The following ZCWPW2 variants were observed in gnomAD, a reference collection of about 807,000 sequenced individuals.
The protein encoded by ZCWPW2 is zinc finger CW-type and PWWP domain containing 2.
A neutral mutation model predicts 46.6 loss-of-function variants in ZCWPW2; 45 were observed. The ratio of observed to expected loss-of-function variants is 0.96; its 90% CI spans 0.76 to 1.24. ZCWPW2 has a LOEUF of 1.24. Ranked by LOEUF, ZCWPW2 falls within the 50% of genes most tolerant of loss-of-function variation. The pLI is 0.00. For synonymous variants in ZCWPW2, 152 were observed against 137.1 expected, an observed-to-expected ratio of 1.11 and a Z score of -0.76; for missense variants, 429 against 403.9, an observed-to-expected ratio of 1.06 and a Z score of -0.53.
intron 4 of ZCWPW2, chr3:28,460,951 A>C (rs945973020): frequency 3.9e-6 from 1 of 253,992 alleles, no homozygotes; most frequent in Middle Eastern, 4.5e-4. Context: ...AAGGATAATA[A>C]TTTTTTATTT....
intron 1 of ZCWPW2, among the ~76,000 whole-genome samples, chr3:28,366,601 T>A (rs1210548859): frequency 6.9e-6 from 1 of 145,434 alleles, no homozygotes; most frequent in African/African-American, 2.6e-5. Flanking sequence ...GGTCTAAAAT[T>A]CTCTTTTTTT....
chr3:28,349,063 G>C lies in ZCWPW2; in HGVS notation c.-274G>C. The C allele has an allele frequency of 3.0e-6, 3 of 985,834 alleles. No homozygotes were observed. The highest frequency in any genetic ancestry group is 3.6e-6 in the Non-Finnish European group (3 of 830,212). The allele number at this position is 985,834 out of a possible 1,614,324, so 61.1% of individuals were successfully genotyped here. A position where few individuals can be genotyped will look rare whatever the true frequency, so the allele number is the denominator to read the frequency against. On this transcript the variant is annotated 5_prime_UTR_variant, in exon 1 of 10. Transcript: ENST00000383768. ...GAAGTCAGGCCCGAGGGAGCTGGGA[G>C]GGCGTTAGCGAAGCCAGGTTCGGTC...
intron 4 of ZCWPW2, among the ~76,000 whole-genome samples, chr3:28,447,446 A>G (rs528466087): frequency 3.4e-4 from 51 of 152,216 alleles, no homozygotes; most frequent in African/African-American, 3.4e-4. Flanking sequence ...ACAAGATGCA[A>G]CAACCTTTCA....
intron 9 of ZCWPW2, among the ~76,000 whole-genome samples, chr3:28,523,528 T>G (rs1265274711): frequency 2.6e-5 from 4 of 152,132 alleles, no homozygotes; most frequent in African/African-American, 9.7e-5. Context: ...CAAAGAGACC[T>G]CTAAGAATTT....
intron 6 of ZCWPW2, among the ~76,000 whole-genome samples, chr3:28,509,119 T>C (rs1700358271): frequency 6.6e-6 from 1 of 152,186 alleles, no homozygotes; most frequent in African/African-American, 2.4e-5. Flanking sequence ...ATATAATACT[T>C]TTATGCCTGG....
At chr3:28,420,578 T>C (rs377010545) in intron 3 of ZCWPW2, among the ~76,000 whole-genome samples, 1 of 151,328 alleles carries the variant, frequency 6.6e-6, no homozygotes, top group South Asian at 2.1e-4. Context: ...AATTATACTT[T>C]ATGTTGTTTT....
At chr3:28,499,596 G>A (rs1700087495) in intron 6 of ZCWPW2, among the ~76,000 whole-genome samples, 1 of 152,042 alleles carries the variant, frequency 6.6e-6, no homozygotes, top group African/African-American at 2.4e-5. Flanking sequence ...CCATTCTGTA[G>A]GTTGCCCGTT....
chr3:28,414,530 A>C (rs910178110), intron 3 of ZCWPW2, among the ~76,000 whole-genome samples: 1 of 150,938 alleles, frequency 6.6e-6, no homozygotes, highest in Non-Finnish European at 1.5e-5. Context: ...ATATGTATAC[A>C]CGTGCCATGA....
In ZCWPW2 at chr3:28,413,231, G is replaced by C; in HGVS notation, c.163G>C (p.Asp55His). Reference protein sequence around the residue: ...SSEDSAKVDHDEPWYCFMNTD... With the variant: ...SSEDSAKVDHHEPWYCFMNTD... ...TGAGGATTCAGCCAAGGTTGATCATGATGAACCATGGTACTGCTTCATGAA... is the reference window on the plus strand; with the variant it reads ...TGAGGATTCAGCCAAGGTTGATCATCATGAACCATGGTACTGCTTCATGAA... The change falls in exon 3 of 10, where the codon GAT (aspartate) becomes CAT (histidine). Residue 55 changes from aspartate (D) to histidine (H), a missense_variant. Asp to His is a moderately conservative substitution (Grantham distance 81). Transcript: ENST00000383768. The C allele has an allele frequency of 6.2e-7, 1 of 1,613,360 alleles. No homozygotes were observed. The highest frequency in any genetic ancestry group is 1.1e-5 in the South Asian group (1 of 91,060).
chr3:28,471,194 C>T (rs1023167492), intron 4 of ZCWPW2, among the ~76,000 whole-genome samples: 1 of 152,082 alleles, frequency 6.6e-6, no homozygotes, highest in African/African-American at 2.4e-5. Flanking sequence ...TAGCTAATAC[C>T]AGTTCTACTG....
At chr3:28,512,114 C>T (rs1192406571) in intron 6 of ZCWPW2, among the ~76,000 whole-genome samples, 1 of 151,880 alleles carries the variant, frequency 6.6e-6, no homozygotes, top group East Asian at 1.9e-4. Flanking sequence ...TCTATTACAG[C>T]CTAATTGTCT....
intron 1 of ZCWPW2, among the ~76,000 whole-genome samples, chr3:28,374,530 T>C (rs974979104): frequency 2.0e-5 from 3 of 152,170 alleles, no homozygotes; most frequent in Non-Finnish European, 4.4e-5. Flanking sequence ...GGTAGATTGA[T>C]AGGGATTATA....
chr3:28,432,810 A>G (rs565448086), intron 3 of ZCWPW2, among the ~76,000 whole-genome samples: 83 of 152,294 alleles, frequency 5.4e-4, no homozygotes, highest in Non-Finnish European at 8.7e-4. Flanking sequence ...TATAGTTACA[A>G]TGTATTATCT....
chr3:28,361,466 A>G (rs916683080), intron 1 of ZCWPW2, among the ~76,000 whole-genome samples: 2 of 152,092 alleles, frequency 1.3e-5, no homozygotes, highest in African/African-American at 4.8e-5. Context: ...GCTTCATAAC[A>G]TTGGTCTTGG....
At chr3:28,359,333 A>G (rs1033601668) in intron 1 of ZCWPW2, among the ~76,000 whole-genome samples, 4 of 152,108 alleles carry the variant, frequency 2.6e-5, no homozygotes, top group African/African-American at 7.2e-5. Context: ...ATTTTGGTCA[A>G]TATTTTCTTA....
intron 1 of ZCWPW2, among the ~76,000 whole-genome samples, chr3:28,385,483 T>A (rs1695236190): frequency 6.6e-6 from 1 of 152,210 alleles, no homozygotes. Flanking sequence ...ATATTCAAGG[T>A]TGACGAGATG....
At chr3:28,488,549 A>G (rs1484859408) in intron 5 of ZCWPW2, among the ~76,000 whole-genome samples, 1 of 152,202 alleles carries the variant, frequency 6.6e-6, no homozygotes, top group African/African-American at 2.4e-5. Context: ...AAATTATTGA[A>G]ATAAGATAAA....
chr3:28,502,037 C>T (rs1700156195), intron 6 of ZCWPW2, among the ~76,000 whole-genome samples: 1 of 152,096 alleles, frequency 6.6e-6, no homozygotes, highest in Admixed American at 6.6e-5. Flanking sequence ...AAGTTCTTTT[C>T]ATACTAATTT....
In ZCWPW2 at chr3:28,349,120, G is replaced by A. The variant is rs886790374; in HGVS notation, c.-217G>A. The A allele has an allele frequency of 1.0e-5, 10 of 985,620 alleles. No homozygotes were observed. In the South Asian group the frequency reaches 1.4e-4, roughly 14 times the overall value. The allele number at this position is 985,620 out of a possible 1,614,324, so 61.1% of individuals were successfully genotyped here. On this transcript the variant is annotated 5_prime_UTR_variant, in exon 1 of 10. Transcript: ENST00000383768. The stretch of plus-strand genomic sequence containing the variant: ...GTGGGGAAGTGCAGGAGTGGCGCGC[G>A]GCGTACTACATGTCCCGTGAGCCTC...
Sources: allele counts gnomAD v4.1 joint callset (sites outside exome capture counted in the v4.1 genomes callset), GRCh38; gene constraint gnomAD v4.1.1; transcripts MANE v1.5; gene names NCBI Gene and HGNC (gene_info 2026-07-23, HGNC 2026-07-21).